Variants in CHODL observed in about 807,000 individuals in gnomAD.
CHODL encodes the protein transmembrane protein MT75.
CHODL carries 29 observed loss-of-function variants against 34.5 expected under a neutral mutation model. The ratio of observed to expected loss-of-function variants is 0.84; its 90% CI spans 0.63 to 1.15. The LOEUF is 1.15. CHODL is among the 50% of genes most tolerant of loss of function. The pLI is 0.00. For synonymous variants in CHODL, 125 were observed against 116.1 expected (o/e 1.08, Z -0.49); for missense variants, 332 against 332.5 (o/e 1.00, Z 0.01).
chr21:18,085,279 C>T (rs910529111), intron 2 of CHODL, among the ~76,000 whole-genome samples: 2 of 152,002 alleles, frequency 1.3e-5, no homozygotes, highest in Admixed American at 6.6e-5. Flanking sequence ...AATCCATTTA[C>T]ATTCAAGGTT....
At chr21:18,070,025 T>TTCCCTTCCCTTCCCTC (rs1555860424) in intron 2 of CHODL, among the ~76,000 whole-genome samples, 10 of 29,134 alleles carry the variant, frequency 3.4e-4, no homozygotes, top group Non-Finnish European at 1.0e-3. Flanking sequence ...TTCCCTTCCC[T>TTCCCTTCCCTTCCCTC]CCCCCCCCCC....
intron 1 of CHODL, among the ~76,000 whole-genome samples, chr21:17,927,198 A>ATG (rs200265780): frequency 2.0e-5 from 3 of 148,366 alleles, no homozygotes; most frequent in African/African-American, 2.5e-5. Context: ...ATATGTATGT[A>ATG]TGTGTGTGTG....
intron 2 of CHODL, among the ~76,000 whole-genome samples, chr21:18,160,309 GTAT>G (rs954507479): frequency 7.9e-5 from 12 of 152,106 alleles, no homozygotes; most frequent in Admixed American, 2.6e-4. Context: ...GGGTAAAAGA[GTAT>G]TATTCCTTTT....
chr21:18,231,500 G>A (rs981775845), intron 2 of CHODL, among the ~76,000 whole-genome samples: 4 of 151,718 alleles, frequency 2.6e-5, no homozygotes, highest in African/African-American at 9.7e-5. Context: ...GCTAGACAGA[G>A]CATTGAACTG....
At chr21:17,995,720 CT>C (rs1257300477) in intron 1 of CHODL, among the ~76,000 whole-genome samples, 3 of 152,194 alleles carry the variant, frequency 2.0e-5, no homozygotes, top group Non-Finnish European at 2.9e-5. Flanking sequence ...GTACCTACAT[CT>C]TTAGGTCACT....
intron 1 of CHODL, among the ~76,000 whole-genome samples, chr21:17,943,869 C>T (rs2063385204): frequency 1.3e-5 from 2 of 152,146 alleles, no homozygotes; most frequent in Admixed American, 1.3e-4. Context: ...TGATCTCACT[C>T]CATGGGGAAC....
At chr21:18,231,665 A>T (rs1162240493) in intron 2 of CHODL, among the ~76,000 whole-genome samples, 2 of 152,050 alleles carry the variant, frequency 1.3e-5, no homozygotes, top group African/African-American at 4.8e-5. Flanking sequence ...CTTCTTCAGT[A>T]TCTACAGTAA....
chr21:18,265,156 TAAAG>T (rs1263592671), intron 5 of CHODL, among the ~76,000 whole-genome samples: 1 of 150,804 alleles, frequency 6.6e-6, no homozygotes, highest in African/African-American at 2.4e-5. Flanking sequence ...AATGCGTGGA[TAAAG>T]AATCTGTGGT....
chr21:18,093,452 G>A (rs547801007), intron 2 of CHODL, among the ~76,000 whole-genome samples: 4 of 152,174 alleles, frequency 2.6e-5, no homozygotes, highest in East Asian at 3.9e-4. Context: ...GTATAATACT[G>A]TAGTTGTGGT....
At chr21:18,096,704 T>C (rs904282792) in intron 2 of CHODL, among the ~76,000 whole-genome samples, 3 of 152,196 alleles carry the variant, frequency 2.0e-5, no homozygotes, top group Non-Finnish European at 4.4e-5. Flanking sequence ...CAGTGGGACA[T>C]GAAACCTCAT....
chr21:18,208,588 A>T (rs2073738971), intron 2 of CHODL, among the ~76,000 whole-genome samples: 1 of 152,058 alleles, frequency 6.6e-6, no homozygotes, highest in African/African-American at 2.4e-5. Flanking sequence ...CTAAGCATTT[A>T]TTGCAGTCTT....
intron 2 of CHODL, among the ~76,000 whole-genome samples, chr21:18,148,442 T>C (rs2824657): frequency 0.099 from 15,095 of 152,062 alleles, 947 homozygotes; most frequent in African/African-American, 0.18. Flanking sequence ...TGAAGAGAAA[T>C]GATAGAATAC....
At chr21:18,245,988 C>T in intron 1 of CHODL, 1 of 1,492,706 alleles carries the variant, frequency 6.7e-7, no homozygotes, top group South Asian at 1.2e-5. Flanking sequence ...ACAATTAAGT[C>T]GGTCGAGTCA....
intron 2 of CHODL, among the ~76,000 whole-genome samples, chr21:18,034,332 T>C (rs2064283818): frequency 6.6e-6 from 1 of 152,014 alleles, no homozygotes; most frequent in South Asian, 2.1e-4. Context: ...ATTGATGTCG[T>C]CATCTTGAAT....
intron 1 of CHODL, among the ~76,000 whole-genome samples, chr21:17,996,389 C>T (rs2063849674): frequency 6.6e-6 from 1 of 152,176 alleles, no homozygotes; most frequent in African/African-American, 2.4e-5. Flanking sequence ...GTATCCTTGC[C>T]TCTGGACTTA....
intron 2 of CHODL, among the ~76,000 whole-genome samples, chr21:18,043,301 T>C (rs1452511471): frequency 6.6e-6 from 1 of 152,010 alleles, no homozygotes; most frequent in Non-Finnish European, 1.5e-5. Flanking sequence ...CCTGATGTTT[T>C]TAATAACATT....
At chr21:17,941,489 T>C (rs1167642994) in intron 1 of CHODL, among the ~76,000 whole-genome samples, 5 of 148,150 alleles carry the variant, frequency 3.4e-5, no homozygotes, top group African/African-American at 5.0e-5. Context: ...ACAACCACCC[T>C]GGCTTTCTGG....
chr21:18,070,854 T>G (rs1052955822), intron 2 of CHODL, among the ~76,000 whole-genome samples: 3 of 152,128 alleles, frequency 2.0e-5, no homozygotes, highest in African/African-American at 7.2e-5. Flanking sequence ...CTATGGAAAC[T>G]TGGGTGCTAT....
intron 2 of CHODL, among the ~76,000 whole-genome samples, chr21:18,103,753 G>C (rs2146548592): frequency 6.6e-6 from 1 of 152,288 alleles, no homozygotes; most frequent in East Asian, 1.9e-4. Flanking sequence ...CATAGAAGCT[G>C]GCTTTTTTCA....
Sources: gnomAD v4.1 joint callset for allele counts (sites outside exome capture counted in the v4.1 genomes callset) on GRCh38, gnomAD v4.1.1 for gene constraint, MANE v1.5 for transcripts, NCBI Gene and HGNC (gene_info 2026-07-23, HGNC 2026-07-21) for gene names.